SERGEF: variants seen among roughly 807,000 people sequenced by gnomAD.
The protein encoded by SERGEF is secretion-regulating guanine nucleotide exchange factor.
A neutral mutation model predicts 50.0 loss-of-function variants in SERGEF; 51 were observed. The ratio of observed to expected loss-of-function variants is 1.02; its 90% CI spans 0.81 to 1.29. SERGEF has a LOEUF of 1.29. SERGEF is among the 50% of genes most tolerant of loss of function. The pLI, the probability that SERGEF is intolerant of heterozygous loss-of-function variation, is 0.00. For missense variants in SERGEF, 521 were observed against 557.0 expected, an observed-to-expected ratio of 0.94 and a Z score of 0.65; for synonymous variants, 205 against 212.4, an observed-to-expected ratio of 0.97 and a Z score of 0.30.
At chr11:17,938,990 T>C (rs148464632) in intron 9 of SERGEF, among the ~76,000 whole-genome samples, 1 of 152,302 alleles carries the variant, frequency 6.6e-6, no homozygotes, top group Non-Finnish European at 1.5e-5. Context: ...AGAACTATTA[T>C]AGGATAGAGC....
chr11:18,007,423 G>C (rs1854097618), intron 2 of SERGEF, among the ~76,000 whole-genome samples: 1 of 152,134 alleles, frequency 6.6e-6, no homozygotes, highest in Admixed American at 6.5e-5. Flanking sequence ...TAGATAATAA[G>C]TCACAGAACC....
chr11:18,012,478 G>A (rs946513794), intron 1 of SERGEF: 8 of 1,074,296 alleles, frequency 7.4e-6, no homozygotes, highest in Admixed American at 1.1e-4. Flanking sequence ...TGCCTTGTGC[G>A]CGGCCAAACA....
intron 1 of SERGEF, among the ~76,000 whole-genome samples, chr11:18,012,317 A>C (rs928153820): frequency 5.3e-5 from 8 of 152,180 alleles, no homozygotes; most frequent in African/African-American, 1.9e-4. Flanking sequence ...GCCACCTGCC[A>C]CGCTCCTGTG....
chr11:17,800,238 A>G (rs1020155403), intron 10 of SERGEF, among the ~76,000 whole-genome samples: 3 of 152,134 alleles, frequency 2.0e-5, no homozygotes, highest in African/African-American at 7.2e-5. Context: ...TTCCCATAAT[A>G]CTTCCTGCCT....
intron 8 of SERGEF, among the ~76,000 whole-genome samples, chr11:17,970,108 C>T (rs1853215737): frequency 6.6e-6 from 1 of 152,234 alleles, no homozygotes; most frequent in Admixed American, 6.5e-5. Context: ...TTGCACTTCA[C>T]AGATAACTGC....
chr11:17,807,549 AG>A (rs1209878292), intron 10 of SERGEF, among the ~76,000 whole-genome samples: 2 of 152,390 alleles, frequency 1.3e-5, no homozygotes, highest in South Asian at 4.1e-4. Flanking sequence ...CCAACGAAGC[AG>A]GCTGTCCCCA....
intron 7 of SERGEF, among the ~76,000 whole-genome samples, chr11:17,992,267 T>C (rs1853728070): frequency 6.6e-6 from 1 of 152,156 alleles, no homozygotes; most frequent in South Asian, 2.1e-4. Context: ...TAGAGTTAGA[T>C]ATATAGACAC....
chr11:17,905,800 C>G (rs1851828840), intron 9 of SERGEF, among the ~76,000 whole-genome samples: 1 of 152,032 alleles, frequency 6.6e-6, no homozygotes, highest in Admixed American at 6.6e-5. Flanking sequence ...CTTAGTCTGC[C>G]CATCTCTAAA....
At chr11:17,937,662 TA>T (rs1475823701) in intron 9 of SERGEF, among the ~76,000 whole-genome samples, 3 of 152,226 alleles carry the variant, frequency 2.0e-5, no homozygotes, top group African/African-American at 7.2e-5. Context: ...ACACTTTCTA[TA>T]ACATGAAATT....
chr11:17,852,097 G>A (rs182933405), intron 10 of SERGEF, among the ~76,000 whole-genome samples: 8 of 152,302 alleles, frequency 5.3e-5, no homozygotes, highest in Admixed American at 5.2e-4. Flanking sequence ...TCTAATGAGT[G>A]TGTGGTACCA....
At chr11:17,919,883 T>C (rs1221918581) in intron 9 of SERGEF, among the ~76,000 whole-genome samples, 1 of 146,524 alleles carries the variant, frequency 6.8e-6, no homozygotes, top group Non-Finnish European at 1.5e-5. Context: ...GGAGCGGAGG[T>C]TGCAGTGAGC....
intron 9 of SERGEF, among the ~76,000 whole-genome samples, chr11:17,939,254 G>A (rs1852515652): frequency 6.6e-6 from 1 of 152,110 alleles, no homozygotes; most frequent in Non-Finnish European, 1.5e-5. Flanking sequence ...GAATAGAAAA[G>A]CATTAATAGT....
In SERGEF at chr11:17,948,195, G is replaced by A. The variant is rs191814746; in HGVS notation, c.1011+11275C>T. On this transcript the variant is annotated intron_variant, in intron 9 of 10. Coordinates refer to ENST00000265965, the MANE Select transcript of SERGEF (RefSeq NM_012139.4). ...CCTCCCAAAGTGCTACAAGAAATTC[G>A]TTTCCGAAAAACCAATGTAAGAAAT... is the stretch of plus-strand genomic sequence containing the variant. Among the ~76,000 whole-genome samples, 387 of 152,118 alleles carry A rather than the reference G, an allele frequency of 2.5e-3. 1 individual carries two copies. Among genetic ancestry groups the A allele is most frequent in the African/African-American group, 8.8e-3 (367 of 41,510 alleles).
At chr11:17,945,402 G>T (rs982295809) in intron 9 of SERGEF, among the ~76,000 whole-genome samples, 4 of 152,174 alleles carry the variant, frequency 2.6e-5, no homozygotes, top group African/African-American at 9.7e-5. Flanking sequence ...GTCCAGTGTG[G>T]TGGCTACTAG....
chr11:17,882,304 A>C (rs1006220882), intron 9 of SERGEF, among the ~76,000 whole-genome samples: 26 of 151,578 alleles, frequency 1.7e-4, no homozygotes, highest in African/African-American at 5.1e-4. Flanking sequence ...CTATGATCCC[A>C]TCTGCTCAGG....
intron 10 of SERGEF, among the ~76,000 whole-genome samples, chr11:17,833,658 GGT>G (rs1160198551): frequency 3.9e-5 from 6 of 152,228 alleles, no homozygotes; most frequent in Non-Finnish European, 7.3e-5. Flanking sequence ...AATCCACAGG[GGT>G]GGAGCTGCTC....
chr11:17,895,754 T>A (rs952830684), intron 9 of SERGEF, among the ~76,000 whole-genome samples: 1 of 152,252 alleles, frequency 6.6e-6, no homozygotes, highest in Non-Finnish European at 1.5e-5. Context: ...ATAATCCCAC[T>A]GTCCACTTAA....
At chr11:17,901,568 C>G (rs1851749950) in intron 9 of SERGEF, among the ~76,000 whole-genome samples, 2 of 152,234 alleles carry the variant, frequency 1.3e-5, no homozygotes, top group African/African-American at 2.4e-5. Context: ...GCACTACCAG[C>G]ATTTCCTCTC....
intron 1 of SERGEF, chr11:18,012,567 G>A: frequency 8.6e-7 from 1 of 1,169,078 alleles, no homozygotes; most frequent in South Asian, 1.7e-5. Flanking sequence ...GAGTGTGGGG[G>A]GCACAGGTGG....
Sources: allele counts gnomAD v4.1 joint callset (sites outside exome capture counted in the v4.1 genomes callset), GRCh38; gene constraint gnomAD v4.1.1; transcripts MANE v1.5; gene names NCBI Gene and HGNC (gene_info 2026-07-23, HGNC 2026-07-21).